KCNC2: variants seen among roughly 807,000 people sequenced by gnomAD.
KCNC2 encodes the protein potassium voltage-gated channel subfamily C member 2.
KCNC2 carries 21 observed loss-of-function variants against 44.5 expected under a neutral mutation model. That is an observed-to-expected ratio of 0.47 (90% CI 0.33 to 0.68). The LOEUF (loss-of-function observed/expected upper bound fraction) is 0.68, where lower values mean the gene tolerates loss of function less well. Ranked by LOEUF, KCNC2 falls within the 30% of genes least tolerant of loss-of-function variation. The probability of loss-of-function intolerance (pLI) is 0.01; values close to 1 mark genes in which losing one functional copy is unlikely to be tolerated. For missense variants in KCNC2, 589 were observed against 826.2 expected, an observed-to-expected ratio of 0.71 and a Z score of 3.52; for synonymous variants, 391 against 339.1, an observed-to-expected ratio of 1.15 and a Z score of -1.68.
intron 2 of KCNC2, among the ~76,000 whole-genome samples, chr12:75,078,661 T>A (rs546542314): frequency 1.4e-4 from 21 of 152,292 alleles, no homozygotes; most frequent in South Asian, 6.2e-4. Context: ...AGCACAGAGA[T>A]CTTAACTTGC....
chr12:75,102,468 C>G (rs898158642), intron 2 of KCNC2, among the ~76,000 whole-genome samples: 1 of 151,904 alleles, frequency 6.6e-6, no homozygotes, highest in African/African-American at 2.4e-5. Context: ...AGGAAGAAAC[C>G]AAGCCAGTGG....
At chr12:75,081,766 AAC>A (rs1197823514) in intron 2 of KCNC2, among the ~76,000 whole-genome samples, 3 of 152,072 alleles carry the variant, frequency 2.0e-5, no homozygotes, top group African/African-American at 7.2e-5. Flanking sequence ...CTTCAAAGGA[AAC>A]ACACAGAAAT....
At chr12:75,180,340 A>G (rs781606016) in intron 2 of KCNC2, among the ~76,000 whole-genome samples, 41 of 151,910 alleles carry the variant, frequency 2.7e-4, no homozygotes, top group Admixed American at 6.5e-4. Context: ...TTAGTTTCTA[A>G]ATATATGAAG....
chr12:75,130,792 A>C (rs1888785923), intron 2 of KCNC2, among the ~76,000 whole-genome samples: 1 of 152,014 alleles, frequency 6.6e-6, no homozygotes. Flanking sequence ...AAAAAAAAAA[A>C]AAAACAATGC....
intron 2 of KCNC2, among the ~76,000 whole-genome samples, chr12:75,059,696 C>T (rs1592777946): frequency 2.0e-5 from 3 of 152,084 alleles, no homozygotes; most frequent in African/African-American, 7.2e-5. Flanking sequence ...CTATACAAGA[C>T]CACAAAGTCT....
intron 2 of KCNC2, among the ~76,000 whole-genome samples, chr12:75,198,660 C>T (rs111551928): frequency 8.0e-4 from 121 of 151,854 alleles, no homozygotes; most frequent in African/African-American, 2.8e-3. Flanking sequence ...ATTATTATGC[C>T]ATCATTTCCG....
At chr12:75,084,111 T>C (rs2137093343) in intron 2 of KCNC2, among the ~76,000 whole-genome samples, 1 of 151,986 alleles carries the variant, frequency 6.6e-6, no homozygotes. Context: ...AAAAGAAAGT[T>C]GAAAAATGTG....
At chr12:75,090,855 C>T (rs1047174762) in intron 2 of KCNC2, among the ~76,000 whole-genome samples, 2 of 151,486 alleles carry the variant, frequency 1.3e-5, no homozygotes, top group Non-Finnish European at 3.0e-5. Context: ...TCAAAGATGC[C>T]TGAATAGACA....
intron 2 of KCNC2, among the ~76,000 whole-genome samples, chr12:75,112,634 G>T (rs1415504063): frequency 1.3e-5 from 2 of 151,834 alleles, no homozygotes; most frequent in East Asian, 3.9e-4. Flanking sequence ...AGACCAAAAT[G>T]TTCCTGAATT....
intron 2 of KCNC2, among the ~76,000 whole-genome samples, chr12:75,135,711 C>G (rs1172790716): frequency 1.3e-5 from 2 of 151,978 alleles, no homozygotes; most frequent in Non-Finnish European, 2.9e-5. Flanking sequence ...CACATGTCAT[C>G]GAATTGGTGA....
chr12:75,162,063 A>G (rs980510589), intron 2 of KCNC2, among the ~76,000 whole-genome samples: 52 of 151,788 alleles, frequency 3.4e-4, no homozygotes, highest in African/African-American at 1.2e-3. Context: ...ATTTGGGATT[A>G]TAAACAAATA....
intron 2 of KCNC2, among the ~76,000 whole-genome samples, chr12:75,124,271 G>C (rs1197949437): frequency 6.6e-6 from 1 of 152,102 alleles, no homozygotes; most frequent in Non-Finnish European, 1.5e-5. Context: ...AAAGTTAAAA[G>C]GCTCCAGGTT....
chr12:75,208,524 T>C (rs572473416), intron 1 of KCNC2, among the ~76,000 whole-genome samples: 2 of 152,010 alleles, frequency 1.3e-5, no homozygotes, highest in East Asian at 2.0e-4. Context: ...GCAATTCTCT[T>C]AGGCAGGGAG....
Position 75,060,054 on chromosome 12 carries a change from C to G in KCNC2, c.688-8737G>C, listed in dbSNP as rs577142443. Among the ~76,000 whole-genome samples, 16 of 152,202 alleles carry G rather than the reference C, an allele frequency of 1.1e-4. 1 individual carries two copies. In the South Asian group the frequency reaches 2.9e-3, roughly 28 times the overall value. On this transcript the variant is annotated intron_variant, in intron 2 of 4. Transcript: ENST00000549446. ...TCAATCAATAAAGGCAATCAAAATA[C>G]TAGCTATTATACATATTATTGTTGA...
chr12:75,090,796 T>C (rs1163010121), intron 2 of KCNC2, among the ~76,000 whole-genome samples: 6 of 105,410 alleles, frequency 5.7e-5, no homozygotes. Context: ...CTCATTACCA[T>C]CATCATCATC....
chr12:75,196,434 C>G (rs1223656912), intron 2 of KCNC2, among the ~76,000 whole-genome samples: 1 of 152,052 alleles, frequency 6.6e-6, no homozygotes, highest in African/African-American at 2.4e-5. Flanking sequence ...AAACGCCTCA[C>G]CTCCAGAAAT....
intron 2 of KCNC2, among the ~76,000 whole-genome samples, chr12:75,171,788 T>A (rs1333884744): frequency 1.3e-5 from 2 of 151,812 alleles, no homozygotes; most frequent in Non-Finnish European, 2.9e-5. Flanking sequence ...TACAAAGAAA[T>A]AATAAATACT....
intron 2 of KCNC2, among the ~76,000 whole-genome samples, chr12:75,146,565 G>C (rs1351480866): frequency 6.6e-6 from 1 of 152,074 alleles, no homozygotes; most frequent in Non-Finnish European, 1.5e-5. Context: ...AAATAGATTT[G>C]TTTCATATTT....
At chr12:75,163,911 G>T (rs1329690899) in intron 2 of KCNC2, among the ~76,000 whole-genome samples, 2 of 151,608 alleles carry the variant, frequency 1.3e-5, no homozygotes, top group African/African-American at 4.8e-5. Flanking sequence ...TGCAAAGTTT[G>T]CTACTGTTAC....
Sources: allele counts gnomAD v4.1 joint callset (sites outside exome capture counted in the v4.1 genomes callset), GRCh38; gene constraint gnomAD v4.1.1; transcripts MANE v1.5; gene names NCBI Gene and HGNC (gene_info 2026-07-23, HGNC 2026-07-21).